PAM: variants seen among roughly 807,000 people sequenced by gnomAD.
PAM encodes peptidylglycine alpha-amidating monooxygenase, also known as peptidyl-glycine alpha-amidating monooxygenase.
PAM carries 72 observed loss-of-function variants against 122.1 expected under a neutral mutation model. The observed-to-expected ratio is 0.59, with a 90% CI of 0.49 to 0.72. The LOEUF (loss-of-function observed/expected upper bound fraction) is 0.72, where lower values mean the gene tolerates loss of function less well. Among genes scored for constraint, PAM ranks in the 30% least tolerant of loss-of-function variants. PAM has a pLI of 0.00. For synonymous variants in PAM, 389 were observed against 404.4 expected, an observed-to-expected ratio of 0.96 and a Z score of 0.46; for missense variants, 1,106 against 1,183.7, an observed-to-expected ratio of 0.93 and a Z score of 0.96.
chr5:102,974,252 G>A lies in PAM; in HGVS notation c.1299G>A (p.Lys433=). 1 of 1,614,020 alleles carries A rather than the reference G, an allele frequency of 6.2e-7. No individual in the cohort carries two copies. Among genetic ancestry groups the A allele is most frequent in the Non-Finnish European group, 8.5e-7 (1 of 1,179,936 alleles). The change falls in exon 15 of 26, where the codon AAG becomes AAA. Residue 433 remains lysine, a synonymous_variant. Coordinates refer to ENST00000438793, the MANE Select transcript of PAM (RefSeq NM_001177306.2). Reference sequence around the variant, plus strand: ...AGATTGCAAATGTAGTCCAAAAAAAGGATCTTGGTCGATCTGATGCCAGAG... The same window carrying A: ...AGATTGCAAATGTAGTCCAAAAAAAAGATCTTGGTCGATCTGATGCCAGAG... ...VAEIANVVQK[K]DLGRSDAREG... is the part of the protein sequence containing the mutation.
At chr5:102,971,740 C>T (rs1309923860) in intron 14 of PAM, among the ~76,000 whole-genome samples, 1 of 152,152 alleles carries the variant, frequency 6.6e-6, no homozygotes, top group East Asian at 1.9e-4. Flanking sequence ...ATGTTCTACT[C>T]CATCTGTTAT....
chr5:102,842,779 C>T (rs1353231058), intron 1 of PAM, among the ~76,000 whole-genome samples: 1 of 152,082 alleles, frequency 6.6e-6, no homozygotes, highest in East Asian at 1.9e-4. Context: ...TGAACCAAAA[C>T]AATTAGGAAT....
intron 1 of PAM, among the ~76,000 whole-genome samples, chr5:102,773,265 T>C (rs1421331555): frequency 2.0e-5 from 3 of 152,136 alleles, no homozygotes; most frequent in African/African-American, 4.8e-5. Flanking sequence ...TGTTGCTTTG[T>C]ATTGTATTTG....
At chr5:102,799,384 G>A (rs1311492982) in intron 1 of PAM, among the ~76,000 whole-genome samples, 1 of 152,108 alleles carries the variant, frequency 6.6e-6, no homozygotes. Context: ...CTTAAACTGT[G>A]GTTAGGGAGA....
chr5:102,828,423 A>T (rs1774321063), intron 1 of PAM, among the ~76,000 whole-genome samples: 1 of 151,826 alleles, frequency 6.6e-6, no homozygotes, highest in African/African-American at 2.4e-5. Context: ...CTTCATCTTG[A>T]TGGCTTCTGG....
intron 6 of PAM, among the ~76,000 whole-genome samples, chr5:102,925,807 T>C (rs1225581528): frequency 6.6e-6 from 1 of 152,060 alleles, no homozygotes; most frequent in Admixed American, 6.6e-5. Flanking sequence ...TACTTCTGCC[T>C]GTAAATATTT....
chr5:102,769,176 G>T (rs1011532478), intron 1 of PAM, among the ~76,000 whole-genome samples: 3 of 151,896 alleles, frequency 2.0e-5, no homozygotes, highest in Non-Finnish European at 2.9e-5. Context: ...CAGATCTTTT[G>T]CCCATTTTTT....
intron 1 of PAM, chr5:102,838,112 C>T (rs1400894933): frequency 2.6e-5 from 4 of 152,056 alleles, no homozygotes; most frequent in African/African-American, 9.7e-5. Flanking sequence ...AACTGTTTGC[C>T]ATTTTCTCTT....
At chr5:102,858,862 T>C (rs1326537639) in intron 1 of PAM, among the ~76,000 whole-genome samples, 2 of 152,220 alleles carry the variant, frequency 1.3e-5, no homozygotes, top group Admixed American at 1.3e-4. Context: ...ATAATGATGC[T>C]TTACTCAGTG....
chr5:102,866,596 C>A, intron 2 of PAM: 1 of 329,144 alleles, frequency 3.0e-6, no homozygotes, highest in Non-Finnish European at 5.7e-6. Context: ...TATAACAGCT[C>A]GAAGAATAAA....
chr5:102,807,219 T>C (rs1046114995), intron 1 of PAM, among the ~76,000 whole-genome samples: 13 of 152,228 alleles, frequency 8.5e-5, no homozygotes, highest in Non-Finnish European at 1.8e-4. Context: ...GTACAGATGA[T>C]AAATTATATA....
chr5:102,967,789 C>A (rs536742041), intron 14 of PAM, among the ~76,000 whole-genome samples: 19 of 147,434 alleles, frequency 1.3e-4, no homozygotes, highest in Non-Finnish European at 2.2e-4. Flanking sequence ...TATCTCAGCT[C>A]ACAGCTCACT....
In PAM at chr5:102,950,729, G is replaced by T. The variant is rs551663339; in HGVS notation, c.814G>T (p.Val272Leu). ...GTCTTTTTGGTAGGCTTTCTACCCT[G>T]TGGGGCATCCAGTTGATGTAAGTTT... Reference protein sequence around the residue: ...SPQLPQAFYPVGHPVDVSFGD... With the variant: ...SPQLPQAFYPLGHPVDVSFGD... The change falls in exon 12 of 26, where the codon GTG (valine) becomes TTG (leucine). Residue 272 changes from valine to leucine, a missense_variant. Coordinates refer to ENST00000438793, the MANE Select transcript of PAM (RefSeq NM_001177306.2). 79 of 1,605,452 alleles carry T rather than the reference G, an allele frequency of 4.9e-5. 1 individual carries two copies. The South Asian group carries it at 8.3e-4, about 17-fold the overall frequency.
At chr5:102,940,763 A>G (rs1483275397) in intron 7 of PAM, among the ~76,000 whole-genome samples, 1 of 152,222 alleles carries the variant, frequency 6.6e-6, no homozygotes, top group South Asian at 2.1e-4. Context: ...AATATGGTAT[A>G]TACATAAATA....
In PAM at chr5:102,849,506, C is replaced by T. The variant is rs535914572; in HGVS notation, c.-373-16317C>T. 2.3e-4 allele frequency among the ~76,000 whole-genome samples: 33 copies of T among 146,328 alleles called. 2 individuals are homozygous for T. The South Asian group carries it at 6.9e-3, about 30-fold the overall frequency. On this transcript the variant is annotated intron_variant, in intron 1 of 25. Transcript: ENST00000438793. ...CCGGGAGGCGGAGATTGCAGTGAGC[C>T]GAGATCGCGCCACTGCACTCCAGCC...
chr5:102,840,713 C>G (rs144996029), intron 1 of PAM, among the ~76,000 whole-genome samples: 9 of 152,288 alleles, frequency 5.9e-5, no homozygotes, highest in African/African-American at 1.9e-4. Context: ...GATGCAGCCC[C>G]CATTCTCATG....
intron 1 of PAM, among the ~76,000 whole-genome samples, chr5:102,783,625 A>G (rs1759644360): frequency 6.6e-6 from 1 of 152,198 alleles, no homozygotes; most frequent in Non-Finnish European, 1.5e-5. Flanking sequence ...ACGAATATAT[A>G]TGAAGACCAA....
At chr5:103,016,569 A>C (rs1782054015) in intron 21 of PAM, among the ~76,000 whole-genome samples, 1 of 152,216 alleles carries the variant, frequency 6.6e-6, no homozygotes, top group South Asian at 2.1e-4. Flanking sequence ...GGTGATCCCC[A>C]AAAGAAAGTC....
At chr5:102,756,344 C>T (rs955982927) in intron 1 of PAM, among the ~76,000 whole-genome samples, 1 of 152,108 alleles carries the variant, frequency 6.6e-6, no homozygotes, top group Non-Finnish European at 1.5e-5. Context: ...GAAATCGTGT[C>T]GTCCCCACCA....
Sources: allele counts gnomAD v4.1 joint callset (sites outside exome capture counted in the v4.1 genomes callset), GRCh38; gene constraint gnomAD v4.1.1; transcripts MANE v1.5; gene names NCBI Gene and HGNC (gene_info 2026-07-23, HGNC 2026-07-21).